TMEM38B: variants seen among roughly 807,000 people sequenced by gnomAD.
TMEM38B encodes transmembrane protein 38B.
Under a neutral mutation model 28.7 loss-of-function variants are expected in TMEM38B, and 24 were observed. That is an observed-to-expected ratio of 0.84 (90% CI 0.61 to 1.18). TMEM38B has a LOEUF of 1.18. Ranked by LOEUF, TMEM38B falls within the 50% of genes most tolerant of loss-of-function variation. The pLI, the probability that TMEM38B is intolerant of heterozygous loss-of-function variation, is 0.00. For missense variants in TMEM38B, 380 were observed against 350.9 expected, an observed-to-expected ratio of 1.08 and a Z score of -0.66; for synonymous variants, 131 against 127.7, an observed-to-expected ratio of 1.03 and a Z score of -0.17.
At chr9:105,733,919 G>A (rs1003256538) in intron 4 of TMEM38B, among the ~76,000 whole-genome samples, 12 of 151,834 alleles carry the variant, frequency 7.9e-5, no homozygotes. Context: ...AACTCAGTTT[G>A]ATTGATTTTT....
chr9:105,708,225 A>G (rs1185977984), intron 2 of TMEM38B, among the ~76,000 whole-genome samples: 1 of 152,242 alleles, frequency 6.6e-6, no homozygotes, highest in Non-Finnish European at 1.5e-5. Flanking sequence ...AAAAAATCCA[A>G]TAAAAAATAA....
chr9:105,762,391 A>G (rs1036498639), intron 5 of TMEM38B, among the ~76,000 whole-genome samples: 13 of 140,254 alleles, frequency 9.3e-5, no homozygotes, highest in African/African-American at 7.9e-5. Context: ...ATATCTCCCA[A>G]TGCTATCCCT....
intron 2 of TMEM38B, among the ~76,000 whole-genome samples, chr9:105,712,694 T>A (rs1374143370): frequency 6.6e-6 from 1 of 152,250 alleles, no homozygotes; most frequent in Non-Finnish European, 1.5e-5. Flanking sequence ...TCTTTTCTTC[T>A]TATTTATTAG....
At chr9:105,769,765 T>C (rs1243950122) in intron 5 of TMEM38B, among the ~76,000 whole-genome samples, 1 of 152,200 alleles carries the variant, frequency 6.6e-6, no homozygotes, top group African/African-American at 2.4e-5. Flanking sequence ...GATATTTTTA[T>C]TGCAATTGTG....
At chr9:105,735,916 G>A (rs1418867637) in intron 4 of TMEM38B, among the ~76,000 whole-genome samples, 1 of 152,148 alleles carries the variant, frequency 6.6e-6, no homozygotes, top group Admixed American at 6.6e-5. Context: ...GCCCAAGCTG[G>A]AGTGCAGTGG....
chr9:105,703,351 T>C (rs1835521633), intron 1 of TMEM38B, among the ~76,000 whole-genome samples: 1 of 152,156 alleles, frequency 6.6e-6, no homozygotes, highest in African/African-American at 2.4e-5. Flanking sequence ...TCCAATTTCA[T>C]CCATGTCTCT....
At chr9:105,744,821 G>A (rs1837331172) in intron 4 of TMEM38B, among the ~76,000 whole-genome samples, 1 of 152,038 alleles carries the variant, frequency 6.6e-6, no homozygotes, top group Non-Finnish European at 1.5e-5. Flanking sequence ...CCACCTATGA[G>A]TGAGAACATG....
At chr9:105,696,578 T>G (rs1055440771) in intron 1 of TMEM38B, among the ~76,000 whole-genome samples, 1 of 152,260 alleles carries the variant, frequency 6.6e-6, no homozygotes, top group African/African-American at 2.4e-5. Context: ...AATTGTTGCA[T>G]AGTGGACAGG....
intron 1 of TMEM38B, among the ~76,000 whole-genome samples, chr9:105,700,502 T>C (rs1311311841): frequency 6.6e-6 from 1 of 152,220 alleles, no homozygotes; most frequent in African/African-American, 2.4e-5. Flanking sequence ...AGTTCTTGAC[T>C]CCAGATCTGG....
chr9:105,699,484 C>A (rs929669645), intron 1 of TMEM38B, among the ~76,000 whole-genome samples: 9 of 152,292 alleles, frequency 5.9e-5, no homozygotes, highest in South Asian at 2.1e-4. Flanking sequence ...CGTACTTTCC[C>A]ACCATTTATA....
intron 5 of TMEM38B, among the ~76,000 whole-genome samples, chr9:105,763,849 C>T (rs1248376681): frequency 1.3e-5 from 2 of 150,934 alleles, no homozygotes; most frequent in Non-Finnish European, 2.9e-5. Flanking sequence ...ACTGGCAAAC[C>T]GAATCCAGCA....
intron 1 of TMEM38B, among the ~76,000 whole-genome samples, chr9:105,699,758 G>A (rs965219011): frequency 5.9e-5 from 9 of 152,100 alleles, no homozygotes; most frequent in African/African-American, 1.2e-4. Context: ...CATTTGTCTC[G>A]TGAACAAACA....
chr9:105,728,931 AT>A (rs139169703), intron 4 of TMEM38B, among the ~76,000 whole-genome samples: 35,488 of 151,474 alleles, frequency 0.23, 6,800 homozygotes, highest in African/African-American at 0.51. Context: ...GAGTTGTTTG[AT>A]TTTTTTCTTG....
At chr9:105,753,057 A>C (rs1837715824) in intron 5 of TMEM38B, among the ~76,000 whole-genome samples, 1 of 152,234 alleles carries the variant, frequency 6.6e-6, no homozygotes, top group South Asian at 2.1e-4. Flanking sequence ...CATGAAGCAG[A>C]GGAAAGCAGC....
chr9:105,760,891 A>G (rs1838019819), intron 5 of TMEM38B: 1 of 541,814 alleles, frequency 1.8e-6, no homozygotes, highest in South Asian at 3.0e-5. Flanking sequence ...GTACCAAAAT[A>G]GTTGTTTATC....
chr9:105,728,466 C>A (rs1008233010), intron 4 of TMEM38B, among the ~76,000 whole-genome samples: 1 of 152,200 alleles, frequency 6.6e-6, no homozygotes, highest in East Asian at 1.9e-4. Context: ...TGTATATGTG[C>A]CACATTTTAT....
intron 2 of TMEM38B, among the ~76,000 whole-genome samples, chr9:105,715,038 A>G (rs1836045318): frequency 6.6e-6 from 1 of 152,148 alleles, no homozygotes; most frequent in Non-Finnish European, 1.5e-5. Context: ...CTTCCACCCT[A>G]AGAATTTGGT....
At chr9:105,763,053 CT>C (rs1312614392) in intron 5 of TMEM38B, among the ~76,000 whole-genome samples, 1 of 148,306 alleles carries the variant, frequency 6.7e-6, no homozygotes, top group Admixed American at 6.7e-5. Context: ...GCATAAATGT[CT>C]TCTTTTGAGA....
chr9:105,749,981 C>T (rs966614215), intron 5 of TMEM38B, among the ~76,000 whole-genome samples: 3 of 152,164 alleles, frequency 2.0e-5, no homozygotes, highest in Non-Finnish European at 4.4e-5. Context: ...ATATTCCCAC[C>T]AGCAATGTGT....
Sources: gnomAD v4.1 joint callset for allele counts (sites outside exome capture counted in the v4.1 genomes callset) on GRCh38, gnomAD v4.1.1 for gene constraint, MANE v1.5 for transcripts, NCBI Gene and HGNC (gene_info 2026-07-23, HGNC 2026-07-21) for gene names.